RASEF: variants seen among roughly 807,000 people sequenced by gnomAD.
RASEF encodes ras and EF-hand domain-containing protein.
A neutral mutation model predicts 90.1 loss-of-function variants in RASEF; 68 were observed. That is an observed-to-expected ratio of 0.75 (90% CI 0.62 to 0.92). The LOEUF is 0.92. Among genes scored for constraint, RASEF ranks in the 40% least tolerant of loss-of-function variants. The pLI is 0.00. For synonymous variants in RASEF, 331 were observed against 345.2 expected (o/e 0.96, Z 0.46); for missense variants, 949 against 937.2 (o/e 1.01, Z -0.16).
intron 4 of RASEF, 94 bp from the exon 5 acceptor site, chr9:83,012,605 C>A: frequency 1.8e-6 from 1 of 540,664 alleles, no homozygotes; most frequent in South Asian, 3.8e-5. Context: ...TATGAGAATT[C>A]TAGAAGTCAC....
At chr9:83,000,770 A>G in intron 10 of RASEF, 126 bp downstream of exon 10, 1 of 973,960 alleles carries the variant, frequency 1.0e-6, no homozygotes, top group Non-Finnish European at 1.5e-6. Context: ...AGGAAAAAGC[A>G]TTTTACTAAC....
chr9:83,074,985 T>G, the RASEF span, among the ~76,000 whole-genome samples: 8 of 152,208 alleles, frequency 5.3e-5, no homozygotes, highest in Admixed American at 5.2e-4. Context: ...ATTAACTTAC[T>G]TAAAATTTTA....
In RASEF at chr9:82,999,930, T is replaced by C. The variant is rs572754554; in HGVS notation, c.1723+239A>G. Among the ~76,000 whole-genome samples the C allele has an allele frequency of 3.3e-5, 5 of 151,752 alleles. No individual in the cohort carries two copies. The South Asian group carries it at 1.0e-3, about 32-fold the overall frequency. ...GATATCTCTGTCATTTTAATCTTCC[T>C]TTCCTAAAAGCAGGCCTTGGCCAAA... is the stretch of plus-strand genomic sequence containing the variant. On this transcript the variant is annotated intron_variant, in intron 12 of 16. Coordinates refer to ENST00000376447, the MANE Select transcript of RASEF (RefSeq NM_152573.4).
At chr9:83,182,095 A>G in the RASEF span, among the ~76,000 whole-genome samples, 804 of 152,266 alleles carry the variant, frequency 5.3e-3, 7 homozygotes, top group African/African-American at 0.018. Context: ...ATGACCACAC[A>G]TTCTCCTTGA....
chr9:83,091,235 G>C, the RASEF span, among the ~76,000 whole-genome samples: 1 of 152,128 alleles, frequency 6.6e-6, no homozygotes, highest in Non-Finnish European at 1.5e-5. Flanking sequence ...ATATTTTTAG[G>C]GATATACTGG....
At chr9:83,097,847 C>T in the RASEF span, among the ~76,000 whole-genome samples, 2,686 of 152,270 alleles carry the variant, frequency 0.018, 39 homozygotes, top group Non-Finnish European at 0.026. Flanking sequence ...TCATTGTCAT[C>T]GTCGTCATCG....
chr9:83,028,409 G>A (rs113040852), intron 1 of RASEF, among the ~76,000 whole-genome samples: 2 of 152,202 alleles, frequency 1.3e-5, no homozygotes, highest in African/African-American at 4.8e-5. Flanking sequence ...GCATTTCACA[G>A]CCATCTATGG....
chr9:83,122,350 G>T, the RASEF span, among the ~76,000 whole-genome samples: 8 of 152,222 alleles, frequency 5.3e-5, no homozygotes, highest in Non-Finnish European at 1.2e-4. Context: ...TAATCAAAAG[G>T]CGATTTAGTA....
the RASEF span, among the ~76,000 whole-genome samples, chr9:83,191,754 C>A: frequency 2.9e-4 from 44 of 152,196 alleles, no homozygotes; most frequent in East Asian, 6.9e-3. Context: ...ACCTCCCTCA[C>A]CCCTGTCAAA....
chr9:82,982,563 T>C lies in RASEF; in HGVS notation c.*114A>G. On this transcript the variant is annotated 3_prime_UTR_variant, in exon 17 of 17. Transcript: ENST00000376447. ...AGCTGGGTTCAGGTTTCCTGCACTG[T>C]AACTCTCCATAGGACAGTGTCAGTA... 1 of 699,002 alleles carries C rather than the reference T, an allele frequency of 1.4e-6. No individual in the cohort carries two copies. The highest frequency in any genetic ancestry group is 2.6e-6 in the Non-Finnish European group (1 of 380,768). 43.3% of individuals were successfully genotyped at this position (699,002 alleles called of 1,614,324 possible). A position where few individuals can be genotyped will look rare whatever the true frequency, so the allele number is the denominator to read the frequency against.
At chr9:83,073,486 G>A in the RASEF span, among the ~76,000 whole-genome samples, 3 of 150,212 alleles carry the variant, frequency 2.0e-5, no homozygotes, top group Non-Finnish European at 4.4e-5. Context: ...TCCTCTTAAT[G>A]GTAACCCAGT....
At chr9:83,138,243 C>A in the RASEF span, among the ~76,000 whole-genome samples, 1 of 152,074 alleles carries the variant, frequency 6.6e-6, no homozygotes, top group Admixed American at 6.6e-5. Flanking sequence ...CCACTATTAT[C>A]TTTCTTTTAC....
chr9:83,091,425 C>T, the RASEF span, among the ~76,000 whole-genome samples: 71,547 of 151,828 alleles, frequency 0.47, 17,245 homozygotes, highest in East Asian at 0.68. Flanking sequence ...CATGGTGGTG[C>T]GCACATGTAG....
At chr9:82,994,029 C>G (rs1828862294) in intron 14 of RASEF, among the ~76,000 whole-genome samples, 1 of 152,206 alleles carries the variant, frequency 6.6e-6, no homozygotes, top group South Asian at 2.1e-4. Context: ...GGAAATTACT[C>G]TTTGCAGTGA....
chr9:83,058,106 C>T (rs973433176), intron 1 of RASEF, among the ~76,000 whole-genome samples: 4 of 150,182 alleles, frequency 2.7e-5, no homozygotes, highest in South Asian at 2.1e-4. Flanking sequence ...CTCAACATGT[C>T]CCCCTCTGCC....
the RASEF span, among the ~76,000 whole-genome samples, chr9:83,119,520 C>G: frequency 6.6e-6 from 1 of 152,158 alleles, no homozygotes. Flanking sequence ...GAAGCAACAG[C>G]TCTGGTCTGA....
the RASEF span, among the ~76,000 whole-genome samples, chr9:83,141,043 T>C: frequency 6.7e-6 from 1 of 149,860 alleles, no homozygotes; most frequent in Non-Finnish European, 1.5e-5. Context: ...CTTGGGAGGC[T>C]GAGGCAAGAG....
chr9:83,097,160 G>T, the RASEF span, among the ~76,000 whole-genome samples: 55 of 152,306 alleles, frequency 3.6e-4, no homozygotes, highest in Admixed American at 3.1e-3. Context: ...TAATGGGATG[G>T]CTGGGTCAAA....
the RASEF span, among the ~76,000 whole-genome samples, chr9:83,083,138 T>A: frequency 2.0e-5 from 3 of 152,280 alleles, no homozygotes; most frequent in Admixed American, 6.5e-5. Flanking sequence ...ATATTTTTTC[T>A]AGAACGTCAG....
Sources: gnomAD v4.1 joint callset for allele counts (sites outside exome capture counted in the v4.1 genomes callset) on GRCh38, gnomAD v4.1.1 for gene constraint, MANE v1.5 for transcripts, NCBI Gene and HGNC (gene_info 2026-07-23, HGNC 2026-07-21) for gene names.